The following NECTIN1 variants were observed in gnomAD, a reference collection of about 807,000 sequenced individuals.
The protein encoded by NECTIN1 is nectin cell adhesion molecule 1.
A neutral mutation model predicts 48.0 loss-of-function variants in NECTIN1; 23 were observed. The ratio of observed to expected loss-of-function variants is 0.48; its 90% CI spans 0.34 to 0.68. NECTIN1 has a LOEUF of 0.68. Ranked by LOEUF, NECTIN1 falls within the 30% of genes least tolerant of loss-of-function variation. The pLI is 0.01. For missense variants in NECTIN1, 591 were observed against 709.9 expected, an observed-to-expected ratio of 0.83 and a Z score of 1.90; for synonymous variants, 270 against 288.9, an observed-to-expected ratio of 0.93 and a Z score of 0.66.
chr11:119,644,997 G>A (rs1342916103), intron 5 of NECTIN1, among the ~76,000 whole-genome samples: 1 of 152,172 alleles, frequency 6.6e-6, no homozygotes, highest in Non-Finnish European at 1.5e-5. Flanking sequence ...GATAAGGGCT[G>A]TCCTGGAGTC....
intron 1 of NECTIN1, among the ~76,000 whole-genome samples, chr11:119,717,520 C>CAA (rs1420561213): frequency 2.0e-5 from 3 of 151,748 alleles, no homozygotes; most frequent in Non-Finnish European, 4.4e-5. Flanking sequence ...TGGGACAGTT[C>CAA]AGGGGGTGGG....
intron 5 of NECTIN1, among the ~76,000 whole-genome samples, chr11:119,655,624 T>C (rs1207665502): frequency 1.3e-5 from 2 of 152,060 alleles, no homozygotes; most frequent in African/African-American, 2.4e-5. Context: ...TCTGAAAAAG[T>C]GGTTTGGTGA....
rs556262738 is a variant in NECTIN1, at chr11:119,650,034, G to A, written c.1004-10022C>T. On this transcript the variant is annotated intron_variant, in intron 5 of 7. Coordinates refer to the NECTIN1 transcript ENST00000341398. ...GGGGTGGGGCCATTTTATAAGATTT[G>A]GGTAGATAAAGGAAAATTACAGTCA... 2.0e-5 allele frequency among the ~76,000 whole-genome samples: 3 copies of A among 152,140 alleles called. No individual in the cohort carries two copies. The South Asian group carries it at 6.3e-4, about 32-fold the overall frequency.
At position 119,708,540 on chromosome 11, in the gene NECTIN1, T is replaced by G. The variant is rs1382132708; in HGVS notation, c.79+19935A>C. ...CACAAAAGGCCACATACTGTATGAT[T>G]CCATTTATACGAAATGTCCAGGATA... On this transcript the variant is annotated intron_variant, in intron 1 of 5. Transcript: ENST00000264025. Among the ~76,000 whole-genome samples, 5 of 149,810 alleles carry G rather than the reference T, an allele frequency of 3.3e-5. No individual in the cohort carries two copies. The East Asian group carries it at 9.9e-4, about 30-fold the overall frequency.
At chr11:119,718,334 G>T (rs1865777840) in intron 1 of NECTIN1, among the ~76,000 whole-genome samples, 2 of 152,200 alleles carry the variant, frequency 1.3e-5, no homozygotes, top group South Asian at 4.1e-4. Context: ...CAGGATCAAT[G>T]CCTCTCTCCC....
At chr11:119,681,787 C>A (rs118046057) in intron 1 of NECTIN1, among the ~76,000 whole-genome samples, 1 of 152,156 alleles carries the variant, frequency 6.6e-6, no homozygotes, top group African/African-American at 2.4e-5. Context: ...TACTGGGCAC[C>A]AAGTGGGTGC....
Position 119,662,373 on chromosome 11 carries a change from G to C in NECTIN1, c.*2374C>G. The C allele has an allele frequency of 1.7e-5, 17 of 985,812 alleles. No homozygotes were observed. The highest frequency in any genetic ancestry group is 1.9e-5 in the Non-Finnish European group (16 of 829,930). The allele number at this position is 985,812 out of a possible 1,614,324, so 61.1% of individuals were successfully genotyped here. On this transcript the variant is annotated 3_prime_UTR_variant, in exon 6 of 6. Coordinates refer to ENST00000264025, the MANE Select transcript of NECTIN1 (RefSeq NM_002855.5). This position sits in a 1 kb window ranked among gnomAD's most constrained non-coding sequence, Gnocchi z 5.3. ...CCTCAGCCCAGGCTGGCAGCTGCTC[G>C]GTGGGTATGCTGAGGCTGGGCCCCT...
At chr11:119,653,816 GT>G (rs752544610) in intron 5 of NECTIN1, among the ~76,000 whole-genome samples, 8 of 152,208 alleles carry the variant, frequency 5.3e-5, no homozygotes, top group Admixed American at 6.5e-5. Flanking sequence ...ACAGCCGTCG[GT>G]GGCAAGTATC....
intron 1 of NECTIN1, among the ~76,000 whole-genome samples, chr11:119,713,336 G>C (rs1243604921): frequency 6.6e-6 from 1 of 152,136 alleles, no homozygotes; most frequent in Non-Finnish European, 1.5e-5. Context: ...GCAGAGCCTA[G>C]AAGGATCTCT....
chr11:119,648,892 C>A (rs761604369), intron 5 of NECTIN1, among the ~76,000 whole-genome samples: 1 of 152,110 alleles, frequency 6.6e-6, no homozygotes, highest in Non-Finnish European at 1.5e-5. Flanking sequence ...GGCAGGGCTC[C>A]GACACTCCTG....
At chr11:119,724,355 A>C (rs1475763205) in intron 1 of NECTIN1, among the ~76,000 whole-genome samples, 1 of 152,168 alleles carries the variant, frequency 6.6e-6, no homozygotes, top group Non-Finnish European at 1.5e-5. Context: ...CAGAAGGCTG[A>C]CAAGAGAGGA....
Position 119,677,052 on chromosome 11 carries a change from G to T in NECTIN1, c.851+50C>A. On this transcript the variant is annotated intron_variant, in intron 4 of 5. Transcript: ENST00000264025. This position sits in a 1 kb window ranked among gnomAD's most constrained non-coding sequence, Gnocchi z 5.4. ...AGGATGGTTGCCCCTCATCACCCGT[G>T]GTCCAGTCAGCTGTCTTCCAAGGTG... 6.7e-7 allele frequency: 1 copy of T among 1,489,714 alleles called. No homozygotes were observed. The highest frequency in any genetic ancestry group is 9.4e-7 in the Non-Finnish European group (1 of 1,066,780). 92.3% of individuals were successfully genotyped at this position (1,489,714 alleles called of 1,614,324 possible).
chr11:119,678,810 T>TC lies in NECTIN1; in HGVS notation c.80-46dup. On this transcript the variant is annotated intron_variant, in intron 1 of 5. Transcript: ENST00000264025. This position sits in a 1 kb window ranked among gnomAD's most constrained non-coding sequence, Gnocchi z 4.4. ...CAAGTGGTCAGTGTCAGGCACAGCCTCCCCCCACCCACACAGTTCCCTGTG... is the reference window on the plus strand; with the variant it reads ...CAAGTGGTCAGTGTCAGGCACAGCCTCCCCCCCACCCACACAGTTCCCTGTG... The TC allele has an allele frequency of 1.5e-6, 2 of 1,349,906 alleles. No individual in the cohort carries two copies. The highest frequency in any genetic ancestry group is 1.0e-6 in the Non-Finnish European group (1 of 960,090). 83.6% of individuals were successfully genotyped at this position (1,349,906 alleles called of 1,614,324 possible). A position where few individuals can be genotyped will look rare whatever the true frequency, so the allele number is the denominator to read the frequency against.
intron 5 of NECTIN1, among the ~76,000 whole-genome samples, chr11:119,649,516 C>A (rs554918270): frequency 1.7e-4 from 26 of 152,096 alleles, no homozygotes; most frequent in African/African-American, 6.3e-4. Flanking sequence ...GGTGAAACCC[C>A]GTCTCTACTA....
intron 5 of NECTIN1, among the ~76,000 whole-genome samples, chr11:119,655,237 G>A (rs745589173): frequency 4.0e-5 from 6 of 151,522 alleles, no homozygotes; most frequent in Non-Finnish European, 8.8e-5. Flanking sequence ...TTTTAAAAGA[G>A]CAATTTTAGG....
intron 4 of NECTIN1, chr11:119,675,542 G>T: frequency 1.9e-6 from 1 of 515,012 alleles, no homozygotes. Flanking sequence ...CTAGGTAGGT[G>T]CCGGTCCCCC....
chr11:119,651,609 G>A (rs1402544164), intron 5 of NECTIN1, among the ~76,000 whole-genome samples: 1 of 152,044 alleles, frequency 6.6e-6, no homozygotes. Context: ...GGAGGGCAGA[G>A]TGGGTCACTC....
At chr11:119,702,004 G>A (rs1295213429) in intron 1 of NECTIN1, among the ~76,000 whole-genome samples, 1 of 152,220 alleles carries the variant, frequency 6.6e-6, no homozygotes, top group East Asian at 1.9e-4. Context: ...GACTCATTCT[G>A]TCACCGGCCT....
chr11:119,649,731 G>A (rs75546438), intron 5 of NECTIN1, among the ~76,000 whole-genome samples: 3,554 of 152,214 alleles, frequency 0.023, 125 homozygotes, highest in East Asian at 0.094. Context: ...AGAAAAACAG[G>A]AAATATAAAA....
Sources: allele counts gnomAD v4.1 joint callset (sites outside exome capture counted in the v4.1 genomes callset), GRCh38; gene constraint gnomAD v4.1.1; non-coding constraint Gnocchi (gnomAD v3.1); transcripts MANE v1.5; gene names NCBI Gene and HGNC (gene_info 2026-07-23, HGNC 2026-07-21).